GRM5: variants seen among roughly 807,000 people sequenced by gnomAD.
GRM5 encodes glutamate metabotropic receptor 5.
Under a neutral mutation model 83.1 loss-of-function variants are expected in GRM5, and 19 were observed. The observed-to-expected ratio is 0.23, with a 90% confidence interval of 0.16 to 0.34. The LOEUF (loss-of-function observed/expected upper bound fraction) is 0.34. GRM5 is among the 10% of genes least tolerant of loss of function. GRM5 has a pLI of 1.00. For missense variants in GRM5, 1,160 were observed against 1,588.3 expected, an observed-to-expected ratio of 0.73 and a Z score of 4.58; for synonymous variants, 675 against 633.6, an observed-to-expected ratio of 1.07 and a Z score of -0.98.
At chr11:88,838,361 G>T (rs1310091197) in intron 3 of GRM5, among the ~76,000 whole-genome samples, 1 of 152,076 alleles carries the variant, frequency 6.6e-6, no homozygotes, top group African/African-American at 2.4e-5. Context: ...TGGAGAAGGG[G>T]TTAAGTGTGT....
chr11:88,903,628 A>T (rs1364523396), intron 2 of GRM5, among the ~76,000 whole-genome samples: 1 of 152,234 alleles, frequency 6.6e-6, no homozygotes, highest in African/African-American at 2.4e-5. Flanking sequence ...CATTATCTTA[A>T]GTAAAACAAA....
At chr11:88,859,422 A>C (rs1396851155) in intron 2 of GRM5, among the ~76,000 whole-genome samples, 1 of 152,094 alleles carries the variant, frequency 6.6e-6, no homozygotes, top group Non-Finnish European at 1.5e-5. Flanking sequence ...CTCAACATTT[A>C]TCTAGATCCT....
chr11:89,029,706 T>C (rs1941216530), intron 2 of GRM5, among the ~76,000 whole-genome samples: 2 of 152,164 alleles, frequency 1.3e-5, no homozygotes, highest in Admixed American at 1.3e-4. Flanking sequence ...TGGTTGTGCA[T>C]GAAAAGGATG....
chr11:88,980,524 T>G (rs551343310), intron 2 of GRM5, among the ~76,000 whole-genome samples: 1 of 152,228 alleles, frequency 6.6e-6, no homozygotes, highest in East Asian at 1.9e-4. Flanking sequence ...TTTTCCATTA[T>G]AAAAATGATA....
intron 1 of GRM5, among the ~76,000 whole-genome samples, chr11:89,056,261 G>A (rs1941871653): frequency 1.3e-5 from 2 of 152,088 alleles, no homozygotes; most frequent in Non-Finnish European, 1.5e-5. Flanking sequence ...TCCAAGATCT[G>A]TCTCATTAAC....
At chr11:88,853,394 G>A (rs998592905) in intron 2 of GRM5, among the ~76,000 whole-genome samples, 1 of 152,012 alleles carries the variant, frequency 6.6e-6, no homozygotes, top group African/African-American at 2.4e-5. Context: ...GGCCATTAAA[G>A]TCACTCACTC....
intron 3 of GRM5, among the ~76,000 whole-genome samples, chr11:88,678,330 A>G (rs1045747289): frequency 6.6e-6 from 1 of 152,102 alleles, no homozygotes; most frequent in African/African-American, 2.4e-5. Flanking sequence ...AAGCACTGGT[A>G]TTATGGATGT....
chr11:88,979,499 T>A (rs1188930977), intron 2 of GRM5, among the ~76,000 whole-genome samples: 1 of 152,190 alleles, frequency 6.6e-6, no homozygotes, highest in Non-Finnish European at 1.5e-5. Flanking sequence ...ATATTAATCC[T>A]TTCTAGGAGA....
At chr11:89,022,772 C>T (rs1056813540) in intron 2 of GRM5, among the ~76,000 whole-genome samples, 8 of 152,228 alleles carry the variant, frequency 5.3e-5, no homozygotes, top group Admixed American at 2.0e-4. Context: ...CTGCAATAAA[C>T]GACAGTGCAT....
At chr11:88,741,829 G>A (rs1942036334) in intron 3 of GRM5, among the ~76,000 whole-genome samples, 1 of 152,030 alleles carries the variant, frequency 6.6e-6, no homozygotes, top group Non-Finnish European at 1.5e-5. Flanking sequence ...GGAGGGTTAA[G>A]AGAGGATTTC....
intron 5 of GRM5, among the ~76,000 whole-genome samples, chr11:88,602,568 C>T (rs1938029518): frequency 3.3e-5 from 5 of 152,142 alleles, no homozygotes. Context: ...TGGCAGAATG[C>T]TTTTGCTCCA....
intron 2 of GRM5, among the ~76,000 whole-genome samples, chr11:89,037,698 G>T (rs1941425359): frequency 6.6e-6 from 1 of 151,778 alleles, no homozygotes; most frequent in South Asian, 2.1e-4. Context: ...TCCTACCATG[G>T]GTGCCTTGAA....
intron 3 of GRM5, among the ~76,000 whole-genome samples, chr11:88,767,096 T>C (rs996949199): frequency 2.0e-5 from 3 of 151,904 alleles, no homozygotes; most frequent in South Asian, 4.1e-4. Flanking sequence ...TTCAACCCCA[T>C]CTTCAGCCTC....
intron 3 of GRM5, among the ~76,000 whole-genome samples, chr11:88,815,177 C>T (rs1316413730): frequency 1.3e-5 from 2 of 152,096 alleles, no homozygotes; most frequent in East Asian, 3.9e-4. Flanking sequence ...ATATTCTAAG[C>T]CATAAATCAA....
At chr11:88,566,698 G>A (rs1942884050) in intron 8 of GRM5, among the ~76,000 whole-genome samples, 1 of 152,036 alleles carries the variant, frequency 6.6e-6, no homozygotes, top group South Asian at 2.1e-4. Context: ...ACTCTGTTCT[G>A]GTGAACTAGA....
chr11:88,801,653 A>G (rs1177163789), intron 3 of GRM5, among the ~76,000 whole-genome samples: 1 of 152,248 alleles, frequency 6.6e-6, no homozygotes, highest in Admixed American at 6.5e-5. Flanking sequence ...TAAGAGGACA[A>G]TGTGGGAGGC....
intron 3 of GRM5, among the ~76,000 whole-genome samples, chr11:88,773,909 TG>T (rs1374735084): frequency 6.6e-6 from 1 of 152,192 alleles, no homozygotes; most frequent in Non-Finnish European, 1.5e-5. Context: ...TTGTTCTTTT[TG>T]CTTAGTATTA....
chr11:88,974,670 A>G (rs577127436), intron 2 of GRM5, among the ~76,000 whole-genome samples: 14 of 152,220 alleles, frequency 9.2e-5, no homozygotes, highest in Non-Finnish European at 1.6e-4. Context: ...TTTACATTCT[A>G]TCATGATTTT....
chr11:88,604,195 G>GA (rs907063259), intron 5 of GRM5, among the ~76,000 whole-genome samples: 3 of 151,126 alleles, frequency 2.0e-5, no homozygotes, highest in South Asian at 2.1e-4. Context: ...AAATTTCAGA[G>GA]AAAAAAAACA....
Sources: allele counts gnomAD v4.1 joint callset (sites outside exome capture counted in the v4.1 genomes callset), GRCh38; gene constraint gnomAD v4.1.1; transcripts MANE v1.5; gene names NCBI Gene and HGNC (gene_info 2026-07-23, HGNC 2026-07-21).